Variants in CLIC4 observed in about 807,000 individuals in gnomAD.
CLIC4 encodes chloride intracellular channel protein 4.
A neutral mutation model predicts 24.6 loss-of-function variants in CLIC4; 13 were observed. The ratio of observed to expected loss-of-function variants is 0.53; its 90% CI spans 0.34 to 0.84. The LOEUF (loss-of-function observed/expected upper bound fraction) is 0.84. CLIC4 is among the 40% of genes least tolerant of loss of function. The probability of loss-of-function intolerance (pLI) is 0.01; values close to 1 mark genes in which losing one functional copy is unlikely to be tolerated. For synonymous variants in CLIC4, 104 were observed against 111.3 expected (o/e 0.93, Z 0.41); for missense variants, 227 against 301.7 (o/e 0.75, Z 1.83).
At chr1:24,821,257 A>G (rs1639728421) in intron 3 of CLIC4, among the ~76,000 whole-genome samples, 1 of 152,182 alleles carries the variant, frequency 6.6e-6, no homozygotes, top group South Asian at 2.1e-4. Context: ...AAGTGACATT[A>G]AGAGAAATAG....
intron 1 of CLIC4, among the ~76,000 whole-genome samples, chr1:24,749,227 T>TAA (rs371078491): frequency 7.4e-6 from 1 of 135,246 alleles, no homozygotes; most frequent in Admixed American, 7.4e-5. Context: ...AAATAAAAAT[T>TAA]AAAAAAAAAA....
At chr1:24,799,451 G>T (rs1463545032) in intron 2 of CLIC4, among the ~76,000 whole-genome samples, 7 of 149,942 alleles carry the variant, frequency 4.7e-5, no homozygotes, top group Non-Finnish European at 1.0e-4. Flanking sequence ...CCCTCCGCCC[G>T]GCAGCTGCCC....
intron 1 of CLIC4, among the ~76,000 whole-genome samples, chr1:24,750,719 T>C (rs918810029): frequency 1.3e-5 from 2 of 152,116 alleles, no homozygotes; most frequent in Admixed American, 6.6e-5. Context: ...TATCCCAGGA[T>C]ACATCACTTA....
chr1:24,798,456 T>C (rs1342457628), intron 2 of CLIC4, among the ~76,000 whole-genome samples: 1 of 152,158 alleles, frequency 6.6e-6, no homozygotes, highest in African/African-American at 2.4e-5. Flanking sequence ...CTGGATGACT[T>C]TATGGCTTAT....
intron 1 of CLIC4, among the ~76,000 whole-genome samples, chr1:24,768,866 A>G (rs1474865007): frequency 1.4e-5 from 2 of 148,012 alleles, no homozygotes; most frequent in African/African-American, 2.5e-5. Context: ...GTGCCACTGC[A>G]CTCCAGCCTG....
intron 1 of CLIC4, among the ~76,000 whole-genome samples, chr1:24,761,015 G>T (rs1233232308): frequency 6.6e-6 from 1 of 152,058 alleles, no homozygotes; most frequent in Non-Finnish European, 1.5e-5. Flanking sequence ...GTGGGAAGTT[G>T]CTGGATTCTG....
At chr1:24,804,455 G>T (rs181660698) in intron 2 of CLIC4, among the ~76,000 whole-genome samples, 1 of 117,686 alleles carries the variant, frequency 8.5e-6, no homozygotes, top group Non-Finnish European at 1.8e-5. Context: ...TGTGTGGGTG[G>T]GTGGGTGGTG....
rs1639966053 is a variant in CLIC4 at position 24,843,718 on chromosome 1, T to C, written c.*2781T>C. 6.6e-6 allele frequency: 1 copy of C among 152,594 alleles called. No homozygotes were observed. 9.5% of individuals were successfully genotyped at this position (152,594 alleles called of 1,614,324 possible). On this transcript the variant is annotated 3_prime_UTR_variant, in exon 6 of 6. Coordinates refer to ENST00000374379, the MANE Select transcript of CLIC4 (RefSeq NM_013943.3). ...AAATCCTTGAGCAATCTGTATACAA[T>C]TAAGAGATTTCTGACATTTATTCTT...
chr1:24,772,052 T>C (rs1337465326), intron 1 of CLIC4, among the ~76,000 whole-genome samples: 1 of 152,184 alleles, frequency 6.6e-6, no homozygotes, highest in Non-Finnish European at 1.5e-5. Context: ...AGCAATCTAT[T>C]AGATAACAAA....
chr1:24,775,027 C>T (rs1639116503), intron 1 of CLIC4, among the ~76,000 whole-genome samples: 1 of 150,894 alleles, frequency 6.6e-6, no homozygotes, highest in Admixed American at 6.6e-5. Flanking sequence ...GCCGAGATCA[C>T]ACCACTGTAT....
chr1:24,755,827 A>T (rs1456231642), intron 1 of CLIC4, among the ~76,000 whole-genome samples: 2 of 151,882 alleles, frequency 1.3e-5, no homozygotes, highest in Non-Finnish European at 2.9e-5. Context: ...CTTAAATTTT[A>T]ACTTTTTTTT....
chr1:24,763,572 A>G (rs1186563391), intron 1 of CLIC4, among the ~76,000 whole-genome samples: 2 of 150,536 alleles, frequency 1.3e-5, no homozygotes, highest in East Asian at 1.9e-4. Context: ...GTTCAAATCT[A>G]TAGTCTGGCA....
rs148610217 is a variant in CLIC4, at chr1:24,796,500, T to C, written c.73-1242T>C. On this transcript the variant is annotated intron_variant, in intron 1 of 5. Transcript: ENST00000374379. ...CTGCACCCAGCTTATAATTCGTATTTTTATTCTACTTTTTCTATGTTTAGA... is the reference window on the plus strand; with the variant it reads ...CTGCACCCAGCTTATAATTCGTATTCTTATTCTACTTTTTCTATGTTTAGA... Among the ~76,000 whole-genome samples the C allele has an allele frequency of 9.6e-4, 146 of 151,814 alleles. 1 individual carries two copies. Among genetic ancestry groups the C allele is most frequent in the African/African-American group, 3.4e-3 (142 of 41,234 alleles).
chr1:24,781,309 A>AT (rs540750422), intron 1 of CLIC4, among the ~76,000 whole-genome samples: 86,249 of 140,200 alleles, frequency 0.62, 26,987 homozygotes, highest in Non-Finnish European at 0.7. Context: ...AAATTTTTGT[A>AT]TTTTTTTTTT....
intron 2 of CLIC4, among the ~76,000 whole-genome samples, chr1:24,798,432 T>C (rs927408101): frequency 2.6e-5 from 4 of 152,168 alleles, no homozygotes; most frequent in South Asian, 2.1e-4. Context: ...AAGAGTTGTT[T>C]GTAGGTTTCT....
chr1:24,812,908 G>A (rs574574803), intron 2 of CLIC4, among the ~76,000 whole-genome samples: 3 of 152,048 alleles, frequency 2.0e-5, no homozygotes, highest in East Asian at 1.9e-4. Flanking sequence ...TAGCAGAGAC[G>A]GAGTTTCACC....
At chr1:24,759,338 AAAG>A (rs1638891234) in intron 1 of CLIC4, among the ~76,000 whole-genome samples, 1 of 152,206 alleles carries the variant, frequency 6.6e-6, no homozygotes, top group Admixed American at 6.5e-5. Flanking sequence ...CTGGAGAGGT[AAAG>A]GAGTAAGAAT....
chr1:24,801,125 G>A lies in CLIC4; in HGVS notation c.182+3274G>A, dbSNP rs144033481. 3.3e-3 allele frequency among the ~76,000 whole-genome samples: 509 copies of A among 152,004 alleles called. 4 individuals are homozygous for A. Among genetic ancestry groups the A allele is most frequent in the African/African-American group, 0.012 (486 of 41,432 alleles). On this transcript the variant is annotated intron_variant, in intron 2 of 5. Coordinates refer to ENST00000374379, the MANE Select transcript of CLIC4 (RefSeq NM_013943.3). ...TAATGGGAAAAACTAGGGTTTGGCA[G>A]TGGATTCCTCTTGATGCAAGTGTCA...
intron 2 of CLIC4, among the ~76,000 whole-genome samples, chr1:24,813,331 C>T (rs1041877791): frequency 7.2e-5 from 11 of 152,016 alleles, no homozygotes; most frequent in Non-Finnish European, 1.0e-4. Context: ...CGTGAGCCAC[C>T]GTGCCCGGCT....
Sources: allele counts gnomAD v4.1 joint callset (sites outside exome capture counted in the v4.1 genomes callset), GRCh38; gene constraint gnomAD v4.1.1; transcripts MANE v1.5; gene names NCBI Gene and HGNC (gene_info 2026-07-23, HGNC 2026-07-21).